Variants in SLC2A13 observed in about 807,000 individuals in gnomAD.
SLC2A13 encodes solute carrier family 2 member 13.
SLC2A13 carries 32 observed loss-of-function variants against 64.4 expected under a neutral mutation model. The observed-to-expected ratio is 0.50, with a 90% CI of 0.37 to 0.67. The LOEUF (loss-of-function observed/expected upper bound fraction) is 0.67, where lower values mean the gene tolerates loss of function less well. Ranked by LOEUF, SLC2A13 falls within the 30% of genes least tolerant of loss-of-function variation. SLC2A13 has a pLI of 0.00. For missense variants in SLC2A13, 743 were observed against 829.2 expected (o/e 0.90, Z 1.28); for synonymous variants, 338 against 327.1 (o/e 1.03, Z -0.36).
At chr12:39,896,311 T>C (rs1480670359) in intron 4 of SLC2A13, among the ~76,000 whole-genome samples, 2 of 131,082 alleles carry the variant, frequency 1.5e-5, no homozygotes, top group East Asian at 3.0e-4. Flanking sequence ...TATGTATACA[T>C]ATATGTATGT....
At chr12:39,825,803 C>T (rs995348277) in intron 7 of SLC2A13, among the ~76,000 whole-genome samples, 5 of 152,052 alleles carry the variant, frequency 3.3e-5, no homozygotes, top group African/African-American at 9.7e-5. Flanking sequence ...TTGCTTTGCA[C>T]TTCCCATCCT....
intron 1 of SLC2A13, among the ~76,000 whole-genome samples, chr12:40,101,500 C>A (rs11175186): frequency 6.6e-6 from 1 of 151,746 alleles, no homozygotes; most frequent in Admixed American, 6.6e-5. Flanking sequence ...TTGCTAATAC[C>A]CAAAATTTCA....
intron 4 of SLC2A13, among the ~76,000 whole-genome samples, chr12:39,940,285 T>C (rs1040395462): frequency 6.6e-6 from 1 of 152,176 alleles, no homozygotes; most frequent in Non-Finnish European, 1.5e-5. Flanking sequence ...CTGGTTCAGA[T>C]TTACAACCTG....
intron 3 of SLC2A13, among the ~76,000 whole-genome samples, chr12:40,010,932 C>G (rs1314104881): frequency 2.0e-5 from 3 of 152,082 alleles, no homozygotes; most frequent in Non-Finnish European, 4.4e-5. Context: ...CTGGGGCCCA[C>G]CAGTTGGTTT....
At chr12:40,072,090 C>G (rs1471379942) in intron 1 of SLC2A13, among the ~76,000 whole-genome samples, 1 of 152,042 alleles carries the variant, frequency 6.6e-6, no homozygotes, top group Admixed American at 6.6e-5. Context: ...CAGTGAATCC[C>G]ACAAATTTTC....
In SLC2A13 at chr12:39,959,780, G is replaced by T. The variant is rs1446294780; in HGVS notation, c.926-8415C>A. 3.0e-4 allele frequency among the ~76,000 whole-genome samples: 46 copies of T among 152,232 alleles called. No homozygotes were observed. In the East Asian group the frequency reaches 8.5e-3, roughly 28 times the overall value. On this transcript the variant is annotated intron_variant, in intron 3 of 9. Coordinates refer to ENST00000280871, the MANE Select transcript of SLC2A13 (RefSeq NM_052885.4). Reference sequence around the variant, plus strand: ...GAAAACTTTTATTTAAAAAGAGGAAGTATCCTTTCTAAATAAATAATTTTC... The same window carrying T: ...GAAAACTTTTATTTAAAAAGAGGAATTATCCTTTCTAAATAAATAATTTTC...
At chr12:39,882,097 C>A (rs895568347) in intron 4 of SLC2A13, among the ~76,000 whole-genome samples, 2 of 152,160 alleles carry the variant, frequency 1.3e-5, no homozygotes, top group Non-Finnish European at 2.9e-5. Context: ...ATTCCAGACA[C>A]TGCTTCTTTT....
chr12:40,089,706 C>T (rs191773065), intron 1 of SLC2A13, among the ~76,000 whole-genome samples: 140 of 152,206 alleles, frequency 9.2e-4, no homozygotes, highest in African/African-American at 1.4e-3. Flanking sequence ...AGTGGATTAA[C>T]GGCAATAATG....
intron 1 of SLC2A13, among the ~76,000 whole-genome samples, chr12:40,058,042 C>CAGGTAGAT (rs1397952587): frequency 6.9e-6 from 1 of 145,148 alleles, no homozygotes; most frequent in Non-Finnish European, 1.5e-5. Context: ...AATTTCTCTC[C>CAGGTAGAT]AGATAGATAG....
chr12:40,099,173 T>C (rs1457598288), intron 1 of SLC2A13, among the ~76,000 whole-genome samples: 4 of 152,186 alleles, frequency 2.6e-5, no homozygotes, highest in Non-Finnish European at 5.9e-5. Context: ...GAAATTAAAT[T>C]TTACATGTGG....
At chr12:39,942,782 T>C (rs1565553776) in intron 4 of SLC2A13, among the ~76,000 whole-genome samples, 2 of 152,318 alleles carry the variant, frequency 1.3e-5, no homozygotes, top group East Asian at 3.9e-4. Flanking sequence ...TCATTCTCAG[T>C]CCAGTTTTGT....
At chr12:40,005,356 T>C (rs967798055) in intron 3 of SLC2A13, among the ~76,000 whole-genome samples, 1 of 152,126 alleles carries the variant, frequency 6.6e-6, no homozygotes, top group African/African-American at 2.4e-5. Context: ...TACCCTTTAG[T>C]ATTAGTGCAG....
intron 3 of SLC2A13, among the ~76,000 whole-genome samples, chr12:40,027,456 C>A (rs1480167475): frequency 1.6e-4 from 24 of 152,218 alleles, no homozygotes; most frequent in Admixed American, 1.6e-3. Flanking sequence ...CAGAGACCAG[C>A]TTCTTCAGAG....
chr12:39,813,502 A>G (rs2135811313), intron 7 of SLC2A13, among the ~76,000 whole-genome samples: 1 of 152,306 alleles, frequency 6.6e-6, no homozygotes, highest in South Asian at 2.1e-4. Flanking sequence ...CTATTTCAGT[A>G]TGTATCTCTG....
At chr12:39,948,624 T>A (rs1209144609) in intron 4 of SLC2A13, among the ~76,000 whole-genome samples, 1 of 152,138 alleles carries the variant, frequency 6.6e-6, no homozygotes, top group South Asian at 2.1e-4. Flanking sequence ...GAATTCAAAA[T>A]ACCTTATATT....
intron 1 of SLC2A13, among the ~76,000 whole-genome samples, chr12:40,066,698 A>G (rs1272664742): frequency 6.6e-6 from 1 of 152,216 alleles, no homozygotes; most frequent in Non-Finnish European, 1.5e-5. Flanking sequence ...ACTCCTATGG[A>G]TAAGAAAGAC....
intron 4 of SLC2A13, among the ~76,000 whole-genome samples, chr12:39,896,329 T>TATAC (rs1565528019): frequency 7.7e-5 from 11 of 142,440 alleles, no homozygotes; most frequent in African/African-American, 2.6e-4. Flanking sequence ...TGTATATGTG[T>TATAC]ATATATGTAT....
At chr12:40,063,297 C>T (rs1948454772) in intron 1 of SLC2A13, among the ~76,000 whole-genome samples, 2 of 151,932 alleles carry the variant, frequency 1.3e-5, no homozygotes, top group African/African-American at 2.4e-5. Flanking sequence ...ACAGAAAAAC[C>T]AGTTACAGGA....
chr12:39,899,366 T>A (rs2136011191), intron 4 of SLC2A13, among the ~76,000 whole-genome samples: 1 of 152,304 alleles, frequency 6.6e-6, no homozygotes, highest in Non-Finnish European at 1.5e-5. Context: ...TTGATTCTCC[T>A]CTCTTTTCTT....
Sources: gnomAD v4.1 joint callset for allele counts (sites outside exome capture counted in the v4.1 genomes callset) on GRCh38, gnomAD v4.1.1 for gene constraint, MANE v1.5 for transcripts, NCBI Gene and HGNC (gene_info 2026-07-23, HGNC 2026-07-21) for gene names.